ABR: variants seen among roughly 807,000 people sequenced by gnomAD.
ABR encodes active breakpoint cluster region-related protein.
A neutral mutation model predicts 107.2 loss-of-function variants in ABR; 35 were observed. The ratio of observed to expected loss-of-function variants is 0.33; its 90% CI spans 0.25 to 0.43. The LOEUF (loss-of-function observed/expected upper bound fraction) is 0.43. Among genes scored for constraint, ABR ranks in the 20% least tolerant of loss-of-function variants. The pLI, the probability that ABR is intolerant of heterozygous loss-of-function variation, is 1.00. For synonymous variants in ABR, 498 were observed against 462.0 expected (o/e 1.08, Z -1.00); for missense variants, 815 against 1,115.2 (o/e 0.73, Z 3.83).
chr17:1,086,299 A>G (rs1191595887), intron 4 of ABR, among the ~76,000 whole-genome samples: 3 of 152,144 alleles, frequency 2.0e-5, no homozygotes, highest in Non-Finnish European at 4.4e-5. Flanking sequence ...TTTCCTCCTC[A>G]TAGTGGAGGG....
At position 1,070,397 on chromosome 17, in the gene ABR, A is replaced by G. The variant is rs1241672421; in HGVS notation, c.895-307T>C. ...GTGACTCATCGAGATGGTGCATGTG[A>G]AACAGCACAGTGCCTGGCACATTAA... On this transcript the variant is annotated intron_variant, in intron 8 of 22. Transcript: ENST00000302538. The surrounding 1 kb of genome is among the most constrained non-coding windows in gnomAD (Gnocchi z 4.2). Among the ~76,000 whole-genome samples the G allele has an allele frequency of 6.6e-6, 1 of 152,150 alleles. No homozygotes were observed. Among genetic ancestry groups the G allele is most frequent in the Non-Finnish European group, 1.5e-5 (1 of 68,034 alleles).
At chr17:1,099,647 TAAG>T (rs2037733629) in intron 3 of ABR, among the ~76,000 whole-genome samples, 1 of 152,218 alleles carries the variant, frequency 6.6e-6, no homozygotes. Flanking sequence ...CAGACACATC[TAAG>T]GAGCACTTTC....
At chr17:1,183,201 G>A (rs989162955), upstream of ABR, among the ~76,000 whole-genome samples, 1 of 152,138 alleles carries the variant, frequency 6.6e-6, no homozygotes, top group Non-Finnish European at 1.5e-5. Context: ...GTGGGGACCA[G>A]CCAGTGCTCC....
At position 1,010,041 on chromosome 17, in the gene ABR, G is replaced by A; in HGVS notation, c.2237-257C>T. 5.2e-6 allele frequency: 3 copies of A among 574,928 alleles called. No individual in the cohort carries two copies. The highest frequency in any genetic ancestry group is 9.3e-6 in the Non-Finnish European group (3 of 321,152). 35.6% of individuals were successfully genotyped at this position (574,928 alleles called of 1,614,324 possible). On this transcript the variant is annotated intron_variant, in intron 20 of 22. Coordinates refer to ENST00000302538, the MANE Select transcript of ABR (RefSeq NM_021962.5). This position sits in a 1 kb window ranked among gnomAD's most constrained non-coding sequence, Gnocchi z 4.1. ...CCCCCTTCCTGCAGCTGACTGCATAGGCCTTGGGTGCTGGGGCATCCCCTG... is the reference window on the plus strand; with the variant it reads ...CCCCCTTCCTGCAGCTGACTGCATAAGCCTTGGGTGCTGGGGCATCCCCTG...
chr17:1,113,940 G>A (rs1436564324), intron 2 of ABR, among the ~76,000 whole-genome samples: 1 of 152,204 alleles, frequency 6.6e-6, no homozygotes, highest in Non-Finnish European at 1.5e-5. Context: ...GGCCGAGGCA[G>A]GAGGATCACT....
At chr17:1,129,726 A>C (rs990768238) in intron 1 of ABR, among the ~76,000 whole-genome samples, 1 of 152,170 alleles carries the variant, frequency 6.6e-6, no homozygotes, top group Non-Finnish European at 1.5e-5. Flanking sequence ...AGGCAGGTGG[A>C]TCACGAGGTT....
Position 1,024,888 on chromosome 17 carries a change from G to A in ABR, c.1792-11724C>T, listed in dbSNP as rs190943949. Among the ~76,000 whole-genome samples the A allele has an allele frequency of 2.9e-4, 44 of 152,146 alleles. No individual in the cohort carries two copies. The East Asian group carries it at 5.6e-3, about 19-fold the overall frequency. On this transcript the variant is annotated intron_variant, in intron 16 of 22. Coordinates refer to ENST00000302538, the MANE Select transcript of ABR (RefSeq NM_021962.5). ...TAATCTCAGCACTTTGGGAAGCTGA[G>A]GCGGGTGGATCACCTGAGGTCAGGA...
intron 3 of ABR, among the ~76,000 whole-genome samples, chr17:1,098,308 A>C (rs1486734967): frequency 6.6e-6 from 1 of 151,786 alleles, no homozygotes; most frequent in Non-Finnish European, 1.5e-5. Context: ...GGATCTCCTG[A>C]CCTTGTGATC....
chr17:1,192,629 T>C (rs1380334598), intron 1 of ABR, among the ~76,000 whole-genome samples: 1 of 139,634 alleles, frequency 7.2e-6, no homozygotes. Context: ...ATACAAAAAA[T>C]TAGCTGGGCA....
chr17:1,083,073 G>A (rs945010120), intron 5 of ABR, among the ~76,000 whole-genome samples: 6 of 146,390 alleles, frequency 4.1e-5, no homozygotes, highest in African/African-American at 5.1e-5. Flanking sequence ...GCAGTGAGCC[G>A]AGACCGCGCC....
In ABR at chr17:1,053,329, G is replaced by C. The variant is rs2032785599; in HGVS notation, c.1562-2695C>G. Among the ~76,000 whole-genome samples, 3 of 89,936 alleles carry C rather than the reference G, an allele frequency of 3.3e-5. 1 individual carries two copies. Among genetic ancestry groups the C allele is most frequent in the East Asian group, 3.7e-4 (1 of 2,704 alleles). 59.0% of individuals were successfully genotyped at this position (89,936 alleles called of 152,430 possible). On this transcript the variant is annotated intron_variant, in intron 14 of 22. Coordinates refer to ENST00000302538, the MANE Select transcript of ABR (RefSeq NM_021962.5). ...TGGGGGAGGGTTCACAGGGTCAGAG[G>C]GAGGGTTCGAGAAGGGGCTGGGGGA...
intron 16 of ABR, among the ~76,000 whole-genome samples, chr17:1,022,969 C>A (rs2071814208): frequency 6.6e-6 from 1 of 152,274 alleles, no homozygotes; most frequent in Non-Finnish European, 1.5e-5. Context: ...TCCCCAGCGT[C>A]CATTCTAGCA....
intron 1 of ABR, among the ~76,000 whole-genome samples, chr17:1,224,873 G>C (rs1185552884): frequency 6.6e-6 from 1 of 151,784 alleles, no homozygotes; most frequent in African/African-American, 2.4e-5. Flanking sequence ...GGTCTCACCG[G>C]GTGCGGTGGC....
intron 1 of ABR, among the ~76,000 whole-genome samples, chr17:1,126,707 C>T (rs2039618979): frequency 6.6e-6 from 1 of 152,218 alleles, no homozygotes; most frequent in South Asian, 2.1e-4. Flanking sequence ...GCCCAGACAT[C>T]CTTTCCTCCA....
chr17:1,112,107 G>C (rs562863422), intron 2 of ABR, among the ~76,000 whole-genome samples: 4 of 152,050 alleles, frequency 2.6e-5, no homozygotes, highest in African/African-American at 9.7e-5. Flanking sequence ...ACACCCACAC[G>C]ACCACACGTA....
intron 16 of ABR, among the ~76,000 whole-genome samples, chr17:1,033,767 G>C (rs1230605087): frequency 2.0e-5 from 3 of 152,126 alleles, no homozygotes; most frequent in African/African-American, 7.2e-5. Context: ...CGCCTGAGGG[G>C]GAGGTGGAGA....
At chr17:1,112,950 GTTAACCACCTGACCCAATCAGCAAGCAT>G (rs2038776444) in intron 2 of ABR, among the ~76,000 whole-genome samples, 1 of 151,130 alleles carries the variant, frequency 6.6e-6, no homozygotes, top group Non-Finnish European at 1.5e-5. Flanking sequence ...GCAAGCATTT[GTTAACCACCTGACCCAATCAGCAAGCAT>G]TTGTTAACGC....
chr17:1,046,581 T>C (rs1282522594), intron 16 of ABR, among the ~76,000 whole-genome samples: 2 of 152,226 alleles, frequency 1.3e-5, no homozygotes, highest in African/African-American at 2.4e-5. Flanking sequence ...CAGGCACAAG[T>C]GTCCCCTGCC....
At chr17:1,013,185 TGA>T in intron 16 of ABR, 21 bp from the exon 17 acceptor site, 1 of 1,613,070 alleles carries the variant, frequency 6.2e-7, no homozygotes, top group Middle Eastern at 1.7e-4. Context: ...AGAATGTGGG[TGA>T]GAGAGGTGCC....
Sources: gnomAD v4.1 joint callset for allele counts (sites outside exome capture counted in the v4.1 genomes callset) on GRCh38, gnomAD v4.1.1 for gene constraint, Gnocchi (gnomAD v3.1) non-coding constraint, MANE v1.5 for transcripts, NCBI Gene and HGNC (gene_info 2026-07-23, HGNC 2026-07-21) for gene names.